The following ZNF385D variants were observed in gnomAD, a reference collection of about 807,000 sequenced individuals.
ZNF385D encodes the protein zinc finger protein 385D.
In ZNF385D, 15 loss-of-function variants were observed where a neutral mutation model predicts 35.8. The observed-to-expected ratio is 0.42, with a 90% CI of 0.28 to 0.64. The LOEUF (loss-of-function observed/expected upper bound fraction) is 0.64, where lower values mean the gene tolerates loss of function less well. Among genes scored for constraint, ZNF385D ranks in the 30% least tolerant of loss-of-function variants. ZNF385D has a pLI of 0.23. For missense variants in ZNF385D, 474 were observed against 494.6 expected (o/e 0.96, Z 0.39); for synonymous variants, 212 against 186.8 (o/e 1.13, Z -1.10).
chr3:22,042,262 T>C (rs536732220), intron 3 of ZNF385D, among the ~76,000 whole-genome samples: 1 of 152,266 alleles, frequency 6.6e-6, no homozygotes, highest in East Asian at 1.9e-4. Flanking sequence ...AACAGTCTCT[T>C]CCTTCTAGAG....
intron 2 of ZNF385D, among the ~76,000 whole-genome samples, chr3:21,577,237 CAT>C (rs1426936270): frequency 2.0e-5 from 3 of 152,294 alleles, no homozygotes; most frequent in Middle Eastern, 3.4e-3. Flanking sequence ...TTAGCTTCCA[CAT>C]ATGAGTGATG....
At chr3:21,897,645 A>G (rs1231725826) in intron 3 of ZNF385D, among the ~76,000 whole-genome samples, 2 of 152,072 alleles carry the variant, frequency 1.3e-5, no homozygotes, top group Non-Finnish European at 2.9e-5. Flanking sequence ...TTTTTTTTCC[A>G]GGTAAGCTAT....
intron 3 of ZNF385D, among the ~76,000 whole-genome samples, chr3:21,559,375 C>G (rs375858489): frequency 1.3e-5 from 2 of 152,130 alleles, no homozygotes; most frequent in Admixed American, 6.6e-5. Flanking sequence ...GACAAAATCT[C>G]TTTTGCTTGT....
Position 21,960,379 on chromosome 3 carries a change from T to C in ZNF385D, c.325+208438A>G, listed in dbSNP as rs745843856. Among the ~76,000 whole-genome samples the C allele has an allele frequency of 2.4e-4, 37 of 151,896 alleles. 1 individual carries two copies. Among genetic ancestry groups the C allele is most frequent in the Non-Finnish European group, 2.8e-4 (19 of 67,930 alleles). Reference sequence around the variant, plus strand: ...ATCGGGGAAATACAAATCAAAACTATAATGAAATATCACCTCACCCCAGTT... The same window carrying C: ...ATCGGGGAAATACAAATCAAAACTACAATGAAATATCACCTCACCCCAGTT... On this transcript the variant is annotated intron_variant, in intron 3 of 5. Transcript: ENST00000494108.
intron 2 of ZNF385D, among the ~76,000 whole-genome samples, chr3:21,607,700 G>C (rs1246486243): frequency 6.6e-6 from 1 of 152,064 alleles, no homozygotes. Context: ...AAGCATCCTG[G>C]GGAAGCTTAG....
intron 3 of ZNF385D, among the ~76,000 whole-genome samples, chr3:21,557,042 T>TC (rs1559401660): frequency 6.6e-6 from 1 of 152,182 alleles, no homozygotes; most frequent in African/African-American, 2.4e-5. Context: ...TTGCTGAAGT[T>TC]TTTATCAGTG....
At chr3:22,126,310 G>GTT (rs57457479) in intron 3 of ZNF385D, among the ~76,000 whole-genome samples, 4 of 100,142 alleles carry the variant, frequency 4.0e-5, no homozygotes, top group Non-Finnish European at 5.8e-5. Flanking sequence ...TTTGAAAGTT[G>GTT]TTTTTTTTTT....
intron 3 of ZNF385D, chr3:22,133,456 T>G: frequency 6.7e-6 from 1 of 149,528 alleles, no homozygotes; most frequent in African/African-American, 2.6e-5. Context: ...ATAACAGACA[T>G]ATCAAAAAAA....
At chr3:22,123,924 C>CTT (rs1703253410) in intron 3 of ZNF385D, among the ~76,000 whole-genome samples, 71 of 45,312 alleles carry the variant, frequency 1.6e-3, no homozygotes, top group Non-Finnish European at 2.4e-3. Context: ...TAGACTCCAT[C>CTT]TCTCTCTCTC....
chr3:22,360,950 G>T (rs897861224), intron 2 of ZNF385D, among the ~76,000 whole-genome samples: 6 of 151,952 alleles, frequency 3.9e-5, no homozygotes, highest in Non-Finnish European at 8.8e-5. Flanking sequence ...CCTCTCTAGA[G>T]ATCAATCACT....
intron 3 of ZNF385D, 29 bp from the exon 4 acceptor site, chr3:21,511,052 A>G: frequency 6.2e-7 from 1 of 1,612,750 alleles, no homozygotes; most frequent in Non-Finnish European, 8.5e-7. Flanking sequence ...TGAACCATGC[A>G]ATCAGGCTCA....
At chr3:22,195,449 C>A (rs545335432) in intron 2 of ZNF385D, among the ~76,000 whole-genome samples, 1 of 151,826 alleles carries the variant, frequency 6.6e-6, no homozygotes, top group Admixed American at 6.6e-5. Context: ...CTCATTAATT[C>A]TTTTCTTTAA....
intron 2 of ZNF385D, among the ~76,000 whole-genome samples, chr3:22,204,750 C>A (rs1000325145): frequency 6.7e-6 from 1 of 149,480 alleles, no homozygotes; most frequent in South Asian, 2.1e-4. Flanking sequence ...TCATTCTTAC[C>A]AGAATTGATC....
At chr3:21,453,883 T>C (rs990496094) in intron 4 of ZNF385D, among the ~76,000 whole-genome samples, 1 of 152,056 alleles carries the variant, frequency 6.6e-6, no homozygotes, top group South Asian at 2.1e-4. Context: ...TAAAAATATA[T>C]GTATAAACAT....
intron 3 of ZNF385D, among the ~76,000 whole-genome samples, chr3:21,817,032 C>T (rs1228982687): frequency 6.6e-6 from 1 of 152,070 alleles, no homozygotes; most frequent in Non-Finnish European, 1.5e-5. Context: ...TAATACCACA[C>T]ATGTATAACC....
intron 3 of ZNF385D, among the ~76,000 whole-genome samples, chr3:21,908,155 T>TATC (rs1266611326): frequency 6.7e-6 from 1 of 149,790 alleles, no homozygotes; most frequent in Non-Finnish European, 1.5e-5. Flanking sequence ...TCTATCTATC[T>TATC]ATCTATCTAT....
At chr3:21,707,684 A>G (rs576889142) in intron 1 of ZNF385D, among the ~76,000 whole-genome samples, 15 of 152,336 alleles carry the variant, frequency 9.8e-5, no homozygotes, top group African/African-American at 3.6e-4. Context: ...GGCATGGTCA[A>G]TTCGAATATA....
intron 2 of ZNF385D, among the ~76,000 whole-genome samples, chr3:21,655,561 T>A (rs1043004395): frequency 6.6e-6 from 1 of 152,132 alleles, no homozygotes; most frequent in African/African-American, 2.4e-5. Flanking sequence ...TCCTAGACGC[T>A]CTTTTTTATA....
intron 3 of ZNF385D, among the ~76,000 whole-genome samples, chr3:22,144,713 TTTA>T (rs1457665765): frequency 4.0e-5 from 6 of 151,884 alleles, no homozygotes; most frequent in East Asian, 1.9e-4. Flanking sequence ...AAAATTTTTA[TTTA>T]TTATTATGTG....
Sources: allele counts gnomAD v4.1 joint callset (sites outside exome capture counted in the v4.1 genomes callset), GRCh38; gene constraint gnomAD v4.1.1; transcripts MANE v1.5; gene names NCBI Gene and HGNC (gene_info 2026-07-23, HGNC 2026-07-21).